Variants in FOXJ3 observed in about 807,000 individuals in gnomAD.
FOXJ3 encodes forkhead box J3, also known as forkhead box protein J3.
FOXJ3 carries 22 observed loss-of-function variants against 76.1 expected under a neutral mutation model. That is an observed-to-expected ratio of 0.29 (90% CI 0.21 to 0.41). FOXJ3 has a LOEUF of 0.41. Ranked by LOEUF, FOXJ3 falls within the 10% of genes least tolerant of loss-of-function variation. The pLI is 1.00. For missense variants in FOXJ3, 613 were observed against 762.1 expected, an observed-to-expected ratio of 0.80 and a Z score of 2.30; for synonymous variants, 269 against 261.2, an observed-to-expected ratio of 1.03 and a Z score of -0.29.
At chr1:42,218,686 C>T (rs1205547024) in intron 5 of FOXJ3, among the ~76,000 whole-genome samples, 1 of 152,190 alleles carries the variant, frequency 6.6e-6, no homozygotes, top group Non-Finnish European at 1.5e-5. Context: ...ATTTAAGTCA[C>T]ATCATGTCAC....
chr1:42,255,257 G>T (rs1265445523), intron 4 of FOXJ3, among the ~76,000 whole-genome samples: 1 of 152,186 alleles, frequency 6.6e-6, no homozygotes, highest in Non-Finnish European at 1.5e-5. Flanking sequence ...AGAGTAGGCG[G>T]TATAAAGTGT....
chr1:42,278,356 C>A lies in FOXJ3; in HGVS notation c.361G>T (p.Gly121Cys), dbSNP rs1203287985. The change falls in exon 3 of 13, where the codon GGT becomes TGT. Residue 121 changes from glycine to cysteine, a missense_variant. Coordinates refer to ENST00000361346, the MANE Select transcript of FOXJ3 (RefSeq NM_014947.5). ...NFPYYREAGS[G>C]WKNSIRHNLS... is the part of the protein sequence containing the mutation. The stretch of plus-strand genomic sequence containing the variant: ...TTAAATAAAATCCTTACCTTCCAAC[C>A]ACTGCCAGCCTCTCTATAATATGGG... 6.2e-7 allele frequency: 1 copy of A among 1,601,212 alleles called. No individual in the cohort carries two copies. Among genetic ancestry groups the A allele is most frequent in the Non-Finnish European group, 8.5e-7 (1 of 1,170,124 alleles).
intron 4 of FOXJ3, among the ~76,000 whole-genome samples, chr1:42,248,427 G>C (rs930578294): frequency 6.6e-6 from 1 of 151,780 alleles, no homozygotes; most frequent in Non-Finnish European, 1.5e-5. Flanking sequence ...CCAGCTACTC[G>C]GGAGGCTGAG....
intron 11 of FOXJ3, among the ~76,000 whole-genome samples, chr1:42,188,100 A>G (rs1399796104): frequency 6.6e-6 from 1 of 152,232 alleles, no homozygotes; most frequent in African/African-American, 2.4e-5. Flanking sequence ...TAACATACAG[A>G]AAAGAAGTAA....
intron 2 of FOXJ3, among the ~76,000 whole-genome samples, chr1:42,308,748 A>G (rs1654618309): frequency 1.3e-5 from 2 of 152,186 alleles, no homozygotes; most frequent in Admixed American, 6.5e-5. Flanking sequence ...ATTACAACAC[A>G]ATGAGTAAAT....
intron 2 of FOXJ3, among the ~76,000 whole-genome samples, chr1:42,301,248 T>C (rs1654124735): frequency 6.6e-6 from 1 of 152,084 alleles, no homozygotes; most frequent in African/African-American, 2.4e-5. Flanking sequence ...CAGTCTGGAG[T>C]ACAGTGGCAC....
intron 2 of FOXJ3, among the ~76,000 whole-genome samples, chr1:42,310,022 GATA>G (rs1654707756): frequency 6.6e-6 from 1 of 152,144 alleles, no homozygotes; most frequent in Non-Finnish European, 1.5e-5. Flanking sequence ...GAGAAATCTA[GATA>G]TTATGTTTTT....
chr1:42,246,966 T>TA (rs921751415), intron 4 of FOXJ3, among the ~76,000 whole-genome samples: 4 of 151,702 alleles, frequency 2.6e-5, no homozygotes, highest in African/African-American at 9.7e-5. Context: ...ATGTGGGAGG[T>TA]AAAAAAGTTA....
chr1:42,278,957 A>G (rs1652493711), intron 2 of FOXJ3, among the ~76,000 whole-genome samples: 1 of 152,230 alleles, frequency 6.6e-6, no homozygotes, highest in Admixed American at 6.5e-5. Context: ...TCTTTCTAAA[A>G]ATCACTGCCT....
intron 4 of FOXJ3, among the ~76,000 whole-genome samples, chr1:42,229,688 C>T (rs1647904499): frequency 6.6e-6 from 1 of 152,066 alleles, no homozygotes; most frequent in South Asian, 2.1e-4. Context: ...TTGCCAAGAA[C>T]CCTATAAAAT....
intron 5 of FOXJ3, among the ~76,000 whole-genome samples, chr1:42,222,402 T>C (rs898378521): frequency 2.0e-5 from 3 of 152,202 alleles, no homozygotes; most frequent in African/African-American, 4.8e-5. Flanking sequence ...CACAAGCTAT[T>C]TGGAGAATGA....
chr1:42,315,589 T>C (rs914709789), intron 1 of FOXJ3: 1 of 169,994 alleles, frequency 5.9e-6, no homozygotes, highest in Non-Finnish European at 1.2e-5. Context: ...TCCTCTAGAT[T>C]ACCGTCCTTA....
intron 11 of FOXJ3, 140 bp from the exon 12 acceptor site, chr1:42,182,164 T>C: frequency 1.7e-6 from 1 of 575,242 alleles, no homozygotes. Context: ...AAAATATTAC[T>C]CCTTTCAGAT....
intron 1 of FOXJ3, among the ~76,000 whole-genome samples, chr1:42,325,290 A>G (rs148373636): frequency 2.0e-5 from 3 of 152,368 alleles, no homozygotes; most frequent in African/African-American, 7.2e-5. Flanking sequence ...AGAAATAACT[A>G]TGAAGCCATC....
chr1:42,224,940 A>G (rs1647432450), intron 5 of FOXJ3, among the ~76,000 whole-genome samples: 1 of 151,868 alleles, frequency 6.6e-6, no homozygotes, highest in Non-Finnish European at 1.5e-5. Context: ...TTTTAAAATT[A>G]GCTGGGCGTG....
intron 4 of FOXJ3, among the ~76,000 whole-genome samples, chr1:42,246,094 G>A (rs1460880269): frequency 6.6e-6 from 1 of 152,124 alleles, no homozygotes; most frequent in Non-Finnish European, 1.5e-5. Flanking sequence ...TCAGGACATT[G>A]AGTAGACAAA....
chr1:42,191,383 A>G lies in FOXJ3; in HGVS notation c.1271T>C (p.Ile424Thr). ...HPQHPSPHQH[I>T]QHHPNHQHQT... is the part of the protein sequence containing the mutation. ...ATGCTGATGGTTCGGATGGTGCTGT[A>G]TGTGTTGATGTGGAGAGGGATGCTG... The change falls in exon 9 of 13, where the codon ATA becomes ACA. Residue 424 changes from isoleucine (I) to threonine (T), a missense_variant. By Grantham distance (89) the Ile-to-Thr change is moderately conservative. Around this residue, in one of 3 missense-constraint regions of FOXJ3, gnomAD observed 526 missense variants for 601.4 expected, o/e 0.87. Transcript: ENST00000361346. The G allele has an allele frequency of 6.2e-7, 1 of 1,603,812 alleles. No individual in the cohort carries two copies. The highest frequency in any genetic ancestry group is 8.5e-7 in the Non-Finnish European group (1 of 1,172,324).
chr1:42,303,686 A>T (rs1434601254), intron 2 of FOXJ3, among the ~76,000 whole-genome samples: 1 of 152,248 alleles, frequency 6.6e-6, no homozygotes, highest in Non-Finnish European at 1.5e-5. Flanking sequence ...ATAAAAAGGG[A>T]TAAATACAGA....
At chr1:42,256,008 C>T (rs1400751267) in intron 4 of FOXJ3, among the ~76,000 whole-genome samples, 1 of 152,068 alleles carries the variant, frequency 6.6e-6, no homozygotes, top group African/African-American at 2.4e-5. Flanking sequence ...AGCAACAGAG[C>T]GAGACTTCGT....
Sources: allele counts gnomAD v4.1 joint callset (sites outside exome capture counted in the v4.1 genomes callset), GRCh38; gene constraint gnomAD v4.1.1; regional missense constraint gnomAD v4.1.1; transcripts MANE v1.5; gene names NCBI Gene and HGNC (gene_info 2026-07-23, HGNC 2026-07-21).